SLCO3A1: variants seen among roughly 807,000 people sequenced by gnomAD.
SLCO3A1 encodes the protein solute carrier organic anion transporter family member 3A1.
SLCO3A1 carries 27 observed loss-of-function variants against 63.1 expected under a neutral mutation model. That is an observed-to-expected ratio of 0.43 (90% CI 0.32 to 0.59). The LOEUF is 0.59. Among genes scored for constraint, SLCO3A1 ranks in the 20% least tolerant of loss-of-function variants. The pLI is 0.09. For missense variants in SLCO3A1, 773 were observed against 945.8 expected (o/e 0.82, Z 2.40); for synonymous variants, 473 against 409.9 (o/e 1.15, Z -1.86).
rs1365003562 is a variant in SLCO3A1, at chr15:92,152,795, C to T, written c.1753+1781C>T. On this transcript the variant is annotated intron_variant, in intron 9 of 9. Transcript: ENST00000318445. ...ACCTATTGTGTTCTAAGCCATGAAC[C>T]ATCCCCAGGTAAGTGACCTCAGCTC... Among the ~76,000 whole-genome samples, 3 of 152,124 alleles carry T rather than the reference C, an allele frequency of 2.0e-5. No homozygotes were observed. The East Asian group carries it at 5.8e-4, about 29-fold the overall frequency.
At chr15:92,076,310 G>C in intron 2 of SLCO3A1, among the ~76,000 whole-genome samples, 1 of 152,164 alleles carries the variant, frequency 6.6e-6, no homozygotes, top group Admixed American at 6.5e-5. Flanking sequence ...TCTGCAGTCT[G>C]CCCTTCCCAG....
chr15:91,998,260 C>A (rs920958899), intron 2 of SLCO3A1, among the ~76,000 whole-genome samples: 1 of 152,100 alleles, frequency 6.6e-6, no homozygotes, highest in Non-Finnish European at 1.5e-5. Flanking sequence ...TCGAGACCAA[C>A]GTAGCCCACA....
At chr15:92,153,914 C>T (rs963453366) in intron 9 of SLCO3A1, among the ~76,000 whole-genome samples, 1 of 152,168 alleles carries the variant, frequency 6.6e-6, no homozygotes, top group Non-Finnish European at 1.5e-5. Context: ...GGAACTTGGT[C>T]AGGAAGGGCT....
At chr15:91,878,379 C>T (rs545302840) in intron 1 of SLCO3A1, among the ~76,000 whole-genome samples, 2 of 152,240 alleles carry the variant, frequency 1.3e-5, no homozygotes, top group African/African-American at 4.8e-5. Context: ...TGCGCCAGGG[C>T]GATTTAGGCC....
At chr15:92,046,057 C>T (rs1183592037) in intron 2 of SLCO3A1, among the ~76,000 whole-genome samples, 1 of 152,108 alleles carries the variant, frequency 6.6e-6, no homozygotes, top group Non-Finnish European at 1.5e-5. Context: ...TTATAAGATC[C>T]TCCTAGGTGT....
intron 3 of SLCO3A1, among the ~76,000 whole-genome samples, chr15:92,102,607 TC>T (rs1157483898): frequency 6.6e-6 from 1 of 152,128 alleles, no homozygotes; most frequent in Non-Finnish European, 1.5e-5. Context: ...GCTTACACTG[TC>T]CCCTCTCCAG....
chr15:92,082,713 C>CGGAA (rs1482955454), intron 2 of SLCO3A1, among the ~76,000 whole-genome samples: 2 of 152,172 alleles, frequency 1.3e-5, no homozygotes, highest in Non-Finnish European at 2.9e-5. Context: ...ACCCTTCTTC[C>CGGAA]CAGACTCAGA....
intron 2 of SLCO3A1, among the ~76,000 whole-genome samples, chr15:92,038,422 A>G (rs980486392): frequency 2.6e-5 from 4 of 152,194 alleles, no homozygotes; most frequent in Admixed American, 1.3e-4. Context: ...TACAAAATCA[A>G]TGTGCAAAAA....
chr15:92,014,084 G>C (rs1401142891), intron 2 of SLCO3A1, among the ~76,000 whole-genome samples: 1 of 152,112 alleles, frequency 6.6e-6, no homozygotes, highest in Non-Finnish European at 1.5e-5. Context: ...TATCTCCCCA[G>C]ATCCAGGCTA....
At chr15:92,142,565 T>G (rs930148393) in intron 7 of SLCO3A1, among the ~76,000 whole-genome samples, 2 of 152,210 alleles carry the variant, frequency 1.3e-5, no homozygotes, top group African/African-American at 4.8e-5. Flanking sequence ...TTGGTGATTA[T>G]TTTTCAACAT....
intron 2 of SLCO3A1, among the ~76,000 whole-genome samples, chr15:91,946,538 A>G (rs1217346899): frequency 3.3e-5 from 5 of 152,232 alleles, no homozygotes; most frequent in Non-Finnish European, 5.9e-5. Flanking sequence ...AAATGATGGA[A>G]TATTTCCCAA....
chr15:91,953,246 T>C (rs1453322113), intron 2 of SLCO3A1, among the ~76,000 whole-genome samples: 1 of 152,234 alleles, frequency 6.6e-6, no homozygotes, highest in Non-Finnish European at 1.5e-5. Context: ...CGCTCACTCG[T>C]TTGTTCTAAC....
At position 91,975,762 on chromosome 15, in the gene SLCO3A1, A is replaced by G. The variant is rs116410510; in HGVS notation, c.646+59304A>G. 9.7e-4 allele frequency among the ~76,000 whole-genome samples: 147 copies of G among 152,290 alleles called. 1 individual carries two copies. The highest frequency in any genetic ancestry group is 3.5e-3 in the African/African-American group (144 of 41,568). On this transcript the variant is annotated intron_variant, in intron 2 of 9. Transcript: ENST00000318445. ...CTATAACTATGAGATTGCCCCTTAC[A>G]GCCACCCAGTGGTGGACGCTCCAAG...
chr15:92,059,130 G>A (rs531258384), intron 2 of SLCO3A1, among the ~76,000 whole-genome samples: 51 of 152,266 alleles, frequency 3.3e-4, no homozygotes, highest in African/African-American at 9.4e-4. Flanking sequence ...TGGAAGTCTC[G>A]GGGTAACTGA....
chr15:92,152,573 G>C (rs1321908897), intron 9 of SLCO3A1, among the ~76,000 whole-genome samples: 1 of 152,230 alleles, frequency 6.6e-6, no homozygotes, highest in Non-Finnish European at 1.5e-5. Flanking sequence ...TACCAAGGCA[G>C]AGTTATGATC....
downstream of SLCO3A1, among the ~76,000 whole-genome samples, chr15:92,166,971 G>A (rs2048496822): frequency 6.6e-6 from 1 of 152,204 alleles, no homozygotes; most frequent in Non-Finnish European, 1.5e-5. Flanking sequence ...GCAGTGGCAA[G>A]CTATGAAGGT....
At chr15:92,116,780 G>C (rs977229879) in intron 4 of SLCO3A1, among the ~76,000 whole-genome samples, 3 of 152,210 alleles carry the variant, frequency 2.0e-5, no homozygotes, top group African/African-American at 7.2e-5. Flanking sequence ...ATCATCTTTT[G>C]AGGGTGCTGC....
intron 2 of SLCO3A1, among the ~76,000 whole-genome samples, chr15:91,988,658 CTG>C (rs1334754582): frequency 1.3e-5 from 2 of 152,108 alleles, no homozygotes; most frequent in African/African-American, 4.8e-5. Context: ...TTGCTGGTCA[CTG>C]TGCTTATAGT....
rs1423452095 is a variant in SLCO3A1, at chr15:92,131,514, A to G, written c.1512+3025A>G. On this transcript the variant is annotated intron_variant, in intron 7 of 9. Transcript: ENST00000318445. ...CAAGTAGCTGGGATTATAGGCAAAC[A>G]CCACCACACCCAGCTAATTTTTTAT... Among the ~76,000 whole-genome samples, 6 of 140,680 alleles carry G rather than the reference A, an allele frequency of 4.3e-5. 1 individual carries two copies. Among genetic ancestry groups the G allele is most frequent in the African/African-American group, 1.3e-4 (5 of 38,386 alleles). 92.3% of individuals were successfully genotyped at this position (140,680 alleles called of 152,430 possible).
Sources: gnomAD v4.1 joint callset for allele counts (sites outside exome capture counted in the v4.1 genomes callset) on GRCh38, gnomAD v4.1.1 for gene constraint, MANE v1.5 for transcripts, NCBI Gene and HGNC (gene_info 2026-07-23, HGNC 2026-07-21) for gene names.